RIMS1: variants seen among roughly 807,000 people sequenced by gnomAD.
RIMS1 encodes the protein regulating synaptic membrane exocytosis 1.
Under a neutral mutation model 214.1 loss-of-function variants are expected in RIMS1, and 83 were observed. That is an observed-to-expected ratio of 0.39 (90% CI 0.32 to 0.47). The LOEUF (loss-of-function observed/expected upper bound fraction) is 0.47, where lower values mean the gene tolerates loss of function less well. Ranked by LOEUF, RIMS1 falls within the 20% of genes least tolerant of loss-of-function variation. The pLI is 0.99. For synonymous variants in RIMS1, 793 were observed against 786.8 expected, an observed-to-expected ratio of 1.01 and a Z score of -0.13; for missense variants, 2,050 against 2,161.8, an observed-to-expected ratio of 0.95 and a Z score of 1.03.
At chr6:72,199,637 A>G (rs923675505) in intron 6 of RIMS1, among the ~76,000 whole-genome samples, 1 of 152,224 alleles carries the variant, frequency 6.6e-6, no homozygotes, top group Middle Eastern at 3.4e-3. Flanking sequence ...GTCTTATGTA[A>G]AATATTGAAG....
chr6:72,005,671 G>C (rs887572287), intron 2 of RIMS1, among the ~76,000 whole-genome samples: 2 of 152,174 alleles, frequency 1.3e-5, no homozygotes, highest in South Asian at 4.1e-4. Context: ...AAGGCCTGTT[G>C]TGCTGGTAAA....
intron 2 of RIMS1, among the ~76,000 whole-genome samples, chr6:72,032,589 G>T (rs1482188534): frequency 6.6e-6 from 1 of 152,018 alleles, no homozygotes; most frequent in Non-Finnish European, 1.5e-5. Flanking sequence ...ATGCTCTATT[G>T]CATTTCAATC....
intron 2 of RIMS1, among the ~76,000 whole-genome samples, chr6:72,003,672 A>G (rs1460557275): frequency 1.3e-5 from 2 of 151,804 alleles, no homozygotes; most frequent in African/African-American, 4.8e-5. Flanking sequence ...TAGACTCTCT[A>G]CCTAAAGTAT....
intron 2 of RIMS1, among the ~76,000 whole-genome samples, chr6:72,023,616 C>CT (rs1315288823): frequency 6.6e-6 from 1 of 151,752 alleles, no homozygotes; most frequent in Non-Finnish European, 1.5e-5. Context: ...GCTTTGTGAT[C>CT]TTTTTTAATT....
intron 29 of RIMS1, chr6:72,366,949 A>G (rs2098051705): frequency 1.4e-6 from 1 of 726,186 alleles, no homozygotes; most frequent in Non-Finnish European, 1.7e-6. Flanking sequence ...CCTAGCCAAA[A>G]GCCAAATTTC....
Position 72,060,681 on chromosome 6 carries a change from C to T in RIMS1, c.246-36268C>T, listed in dbSNP as rs556593470. The stretch of plus-strand genomic sequence containing the variant: ...AGCCATTTTTTTAGGTCCTCTAAGC[C>T]TGGTTCAGCATCTCAGTTATATCTT... On this transcript the variant is annotated intron_variant, in intron 2 of 33. Coordinates refer to ENST00000521978, the MANE Select transcript of RIMS1 (RefSeq NM_014989.7). Among the ~76,000 whole-genome samples, 6 of 152,260 alleles carry T rather than the reference C, an allele frequency of 3.9e-5. 1 individual carries two copies. The highest frequency in any genetic ancestry group is 2.0e-4 in the Admixed American group (3 of 15,290).
chr6:71,922,084 A>G (rs916967812), intron 1 of RIMS1, among the ~76,000 whole-genome samples: 7 of 152,136 alleles, frequency 4.6e-5, no homozygotes, highest in Non-Finnish European at 1.0e-4. Flanking sequence ...ACATAGTTCC[A>G]CTTCTCACAT....
In RIMS1 at chr6:71,996,543, A is replaced by C. The variant is rs76123321; in HGVS notation, c.245+27480A>C. ...AGCTCTCTTTCCTAATTTGTACTTT[A>C]TTCCTTTCTCTTTGAACGGATATTT... is the stretch of plus-strand genomic sequence containing the variant. On this transcript the variant is annotated intron_variant, in intron 2 of 33. Transcript: ENST00000521978. Among the ~76,000 whole-genome samples, 939 of 152,334 alleles carry C rather than the reference A, an allele frequency of 6.2e-3. 3 individuals are homozygous for C. Among genetic ancestry groups the C allele is most frequent in the Non-Finnish European group, 0.01 (692 of 68,014 alleles).
chr6:72,005,251 G>C (rs1014719257), intron 2 of RIMS1, among the ~76,000 whole-genome samples: 6 of 152,146 alleles, frequency 3.9e-5, no homozygotes, highest in Admixed American at 2.0e-4. Context: ...GGCAACAGTA[G>C]CATGCTGTTT....
chr6:71,935,158 C>A (rs892831959), intron 1 of RIMS1, among the ~76,000 whole-genome samples: 2 of 152,084 alleles, frequency 1.3e-5, no homozygotes, highest in Non-Finnish European at 2.9e-5. Flanking sequence ...CAAAAATTAA[C>A]CTAAAGAATT....
chr6:72,333,004 AG>A (rs758658192), intron 28 of RIMS1, among the ~76,000 whole-genome samples: 51 of 151,898 alleles, frequency 3.4e-4, no homozygotes, highest in Admixed American at 6.6e-4. Context: ...GTGGAGCATG[AG>A]GGGACAAGGA....
intron 6 of RIMS1, among the ~76,000 whole-genome samples, chr6:72,193,190 T>G (rs957782970): frequency 3.9e-5 from 6 of 152,230 alleles, no homozygotes; most frequent in South Asian, 2.1e-4. Context: ...TTGTCTGATG[T>G]GAAGAACTTA....
At chr6:72,023,439 T>C (rs139184901) in intron 2 of RIMS1, among the ~76,000 whole-genome samples, 34 of 152,230 alleles carry the variant, frequency 2.2e-4, no homozygotes, top group African/African-American at 7.9e-4. Flanking sequence ...GTTTTTTTGT[T>C]ATTAAAGTAT....
rs369675875 is a variant in RIMS1 at position 72,355,304 on chromosome 6, C to A, written c.4366+21469C>A. Reference sequence around the variant, plus strand: ...AATCCCTGTAAGTATTACAATTTATCATACCCTTAAAAAATAGTTTATTTA... The same window carrying A: ...AATCCCTGTAAGTATTACAATTTATAATACCCTTAAAAAATAGTTTATTTA... On this transcript the variant is annotated intron_variant, in intron 29 of 33. Coordinates refer to ENST00000521978, the MANE Select transcript of RIMS1 (RefSeq NM_014989.7). Among the ~76,000 whole-genome samples the A allele has an allele frequency of 4.1e-4, 63 of 152,178 alleles. 2 individuals are homozygous for A. The highest frequency in any genetic ancestry group is 1.5e-3 in the African/African-American group (61 of 41,538).
At chr6:72,306,454 T>C (rs1272663408) in intron 26 of RIMS1, among the ~76,000 whole-genome samples, 1 of 152,170 alleles carries the variant, frequency 6.6e-6, no homozygotes, top group Admixed American at 6.6e-5. Flanking sequence ...ATGCAAAATT[T>C]AAAGGCAAGG....
At chr6:72,223,974 C>T (rs1029134309) in intron 6 of RIMS1, among the ~76,000 whole-genome samples, 4 of 146,130 alleles carry the variant, frequency 2.7e-5, no homozygotes, top group African/African-American at 1.0e-4. Flanking sequence ...AAGCCAGTTG[C>T]GTAAGTGCAC....
At chr6:72,081,509 T>A (rs1833389488) in intron 2 of RIMS1, among the ~76,000 whole-genome samples, 1 of 152,180 alleles carries the variant, frequency 6.6e-6, no homozygotes, top group Non-Finnish European at 1.5e-5. Context: ...TGCTCCTAGC[T>A]TTGTATGCAC....
chr6:72,035,853 T>C (rs906608523), intron 2 of RIMS1, among the ~76,000 whole-genome samples: 10 of 152,160 alleles, frequency 6.6e-5, no homozygotes, highest in African/African-American at 2.4e-4. Flanking sequence ...CAGGGGAAAC[T>C]GATGTATTTA....
At chr6:72,090,034 G>T (rs1032177677) in intron 2 of RIMS1, among the ~76,000 whole-genome samples, 1 of 112,584 alleles carries the variant, frequency 8.9e-6, no homozygotes. Flanking sequence ...GTGGGGGGAG[G>T]GGGGAGGGAT....
Sources: gnomAD v4.1 joint callset for allele counts (sites outside exome capture counted in the v4.1 genomes callset) on GRCh38, gnomAD v4.1.1 for gene constraint, MANE v1.5 for transcripts, NCBI Gene and HGNC (gene_info 2026-07-23, HGNC 2026-07-21) for gene names.